RNF123: variants seen among roughly 807,000 people sequenced by gnomAD.
The protein encoded by RNF123 is ring finger protein 123, also known as E3 ubiquitin-protein ligase RNF123.
RNF123 carries 86 observed loss-of-function variants against 168.5 expected under a neutral mutation model. That is an observed-to-expected ratio of 0.51 (90% CI 0.43 to 0.61). The LOEUF (loss-of-function observed/expected upper bound fraction) is 0.61. Among genes scored for constraint, RNF123 ranks in the 20% least tolerant of loss-of-function variants. The pLI, the probability that RNF123 is intolerant of heterozygous loss-of-function variation, is 0.00. For missense variants in RNF123, 1,419 were observed against 1,729.7 expected, an observed-to-expected ratio of 0.82 and a Z score of 3.19; for synonymous variants, 666 against 689.1, an observed-to-expected ratio of 0.97 and a Z score of 0.52.
At chr3:49,694,852 A>ACTG (rs546752469) in intron 3 of RNF123, among the ~76,000 whole-genome samples, 1 of 150,460 alleles carries the variant, frequency 6.6e-6, no homozygotes, top group African/African-American at 2.5e-5. Flanking sequence ...AGATGGTCCT[A>ACTG]CTGCTGCTGC....
chr3:49,718,766 A>C (rs376946347), intron 35 of RNF123: 1 of 1,613,282 alleles, frequency 6.2e-7, no homozygotes, highest in Non-Finnish European at 8.5e-7. Flanking sequence ...CGCTGGTGCC[A>C]GCGCTGTAGC....
intron 3 of RNF123, among the ~76,000 whole-genome samples, chr3:49,692,783 T>C (rs553203607): frequency 7.9e-5 from 12 of 152,254 alleles, no homozygotes; most frequent in South Asian, 2.1e-4. Context: ...GTTCCATCCA[T>C]GTTGTTGCAT....
chr3:49,718,810 T>C (rs1311980357), intron 35 of RNF123: 2 of 1,612,840 alleles, frequency 1.2e-6, no homozygotes, highest in Non-Finnish European at 1.7e-6. Flanking sequence ...AGGCAAAGGG[T>C]TGTTGTGCAA....
Position 49,715,982 on chromosome 3 carries a change from C to G in RNF123, c.3311C>G (p.Ser1104Cys), listed in dbSNP as rs1417643987. 6.2e-7 allele frequency: 1 copy of G among 1,614,044 alleles called. No homozygotes were observed. Among genetic ancestry groups the G allele is most frequent in the Admixed American group, 1.7e-5 (1 of 60,030 alleles). The stretch of plus-strand genomic sequence containing the variant: ...TTCCTTGACTGGACCCGGCCTACCT[C>G]TGAGATGCTGCTGCGGCGTCTTGCA... ...EIFLDWTRPT[S>C]EMLLRRLAQL... Residue 1104 changes from serine (S) to cysteine (C), a missense_variant, in exon 33 of 39, where the codon TCT (serine) becomes TGT (cysteine). By Grantham distance (112) the Ser-to-Cys change is moderately radical. Around this residue, in one of 5 missense-constraint regions of RNF123, gnomAD observed 538 missense variants for 708.8 expected, o/e 0.76. Transcript: ENST00000327697.
intron 35 of RNF123, 146 bp from the exon 36 acceptor site, chr3:49,720,365 A>G (rs554112002): frequency 6.4e-5 from 46 of 716,368 alleles, no homozygotes; most frequent in Admixed American, 1.7e-4. Context: ...AGAATACAGG[A>G]CTTGGGGTTT....
At position 49,700,728 on chromosome 3, in the gene RNF123, C is replaced by T. The variant is rs1052110368; in HGVS notation, c.1277+19C>T. On this transcript the variant is annotated intron_variant, in intron 15 of 38. Coordinates refer to ENST00000327697, the MANE Select transcript of RNF123 (RefSeq NM_022064.5). ...ATGTCCTGTATCCTTTCCTTGCTGC[C>T]TGGCAGGCCAGACATGGGGTGCCCT... The T allele has an allele frequency of 6.2e-7, 1 of 1,613,762 alleles. No homozygotes were observed. The highest frequency in any genetic ancestry group is 1.1e-5 in the South Asian group (1 of 91,086).
At chr3:49,691,616 C>T (rs1269307198) in intron 3 of RNF123, 107 bp downstream of exon 3, 16 of 892,126 alleles carry the variant, frequency 1.8e-5, no homozygotes, top group Non-Finnish European at 2.5e-5. Flanking sequence ...TAGGCTTAGG[C>T]TCTGTTCTCA....
At chr3:49,718,935 C>A (rs764481919) in intron 35 of RNF123, 1 of 1,613,606 alleles carries the variant, frequency 6.2e-7, no homozygotes, top group Non-Finnish European at 8.5e-7. Flanking sequence ...TCAGACCGTG[C>A]AGGTGGTCGA....
chr3:49,721,280 C>G lies in RNF123; in HGVS notation c.3920C>G (p.Thr1307Arg), dbSNP rs769831352. The G allele has an allele frequency of 3.8e-5, 61 of 1,614,106 alleles. No homozygotes were observed. The highest frequency in any genetic ancestry group is 4.9e-5 in the Non-Finnish European group (58 of 1,180,046). Residue 1307 changes from threonine to arginine, a missense_variant, in exon 39 of 39, where the codon ACG becomes AGG. By Grantham distance (71) the Thr-to-Arg change is moderately conservative. Coordinates refer to ENST00000327697, the MANE Select transcript of RNF123 (RefSeq NM_022064.5). Reference sequence around the variant, plus strand: ...GAGGACTGGGAGAAGGGAGCCAATACGAGTACTACCTCCTCAGCTGCCTAG... The same window carrying G: ...GAGGACTGGGAGAAGGGAGCCAATAGGAGTACTACCTCCTCAGCTGCCTAG... ...SVEDWEKGAN[T>R]STTSSAA
rs138522949 is a variant in RNF123, at chr3:49,703,491, G to C, written c.1815G>C (p.Leu605=). ...GKVDYFDLQR[L]GGLLSHLRKT... is the part of the protein sequence containing the mutation. Reference sequence around the variant, plus strand: ...TGGACTACTTTGACCTGCAGCGCCTGGGGGGCCTCCTCTCGCACCTGCGGA... The same window carrying C: ...TGGACTACTTTGACCTGCAGCGCCTCGGGGGCCTCCTCTCGCACCTGCGGA... Residue 605 remains leucine, a synonymous_variant, in exon 21 of 39, where the codon CTG becomes CTC. Transcript: ENST00000327697. The C allele has an allele frequency of 6.8e-6, 11 of 1,613,992 alleles. No individual in the cohort carries two copies. Among genetic ancestry groups the C allele is most frequent in the Non-Finnish European group, 9.3e-6 (11 of 1,179,868 alleles).
At chr3:49,703,056 G>A (rs1304353484) in intron 20 of RNF123, among the ~76,000 whole-genome samples, 1 of 152,162 alleles carries the variant, frequency 6.6e-6, no homozygotes, top group African/African-American at 2.4e-5. Flanking sequence ...GGGCTGCCTT[G>A]GGTGGGTGCT....
At chr3:49,716,615 G>C in intron 35 of RNF123, 138 bp downstream of exon 35, 1 of 769,806 alleles carries the variant, frequency 1.3e-6, no homozygotes, top group Non-Finnish European at 2.2e-6. Context: ...GAGGGAAGGT[G>C]GTGAGGTGTG....
chr3:49,716,063 C>T lies in RNF123; in HGVS notation c.3340-39C>T, dbSNP rs368742946. The stretch of plus-strand genomic sequence containing the variant: ...GACCCTGGGGATGCCCCATTGATGA[C>T]GCTCCCCATCCACCAATGGACTCCT... On this transcript the variant is annotated intron_variant, in intron 33 of 38. Transcript: ENST00000327697. The T allele has an allele frequency of 2.4e-4, 390 of 1,613,210 alleles. 1 individual carries two copies. Among genetic ancestry groups the T allele is most frequent in the Middle Eastern group, 3.3e-4 (2 of 6,082 alleles).
intron 27 of RNF123, 30 bp from the exon 28 acceptor site, chr3:49,713,483 G>T (rs757327694): frequency 1.3e-6 from 2 of 1,579,300 alleles, no homozygotes; most frequent in Non-Finnish European, 1.7e-6. Context: ...CCCACTCCCA[G>T]CCGACACGTC....
intron 19 of RNF123, 40 bp downstream of exon 19, chr3:49,702,445 T>C (rs368358056): frequency 3.9e-4 from 622 of 1,608,314 alleles, no homozygotes; most frequent in Non-Finnish European, 5.2e-4. Context: ...GATCCCCGGC[T>C]GCACTACACA....
At chr3:49,694,829 C>T (rs1449950810) in intron 3 of RNF123, among the ~76,000 whole-genome samples, 1 of 152,092 alleles carries the variant, frequency 6.6e-6, no homozygotes, top group Non-Finnish European at 1.5e-5. Flanking sequence ...ATCCCTACCT[C>T]ATGTGATACC....
At chr3:49,698,849 C>T in intron 9 of RNF123, 27 bp downstream of exon 9, 2 of 1,611,804 alleles carry the variant, frequency 1.2e-6, no homozygotes, top group Non-Finnish European at 1.7e-6. Context: ...TATGCACAGG[C>T]CTGGCCCCTG....
Position 49,705,532 on chromosome 3 carries a change from A to C in RNF123, c.2159-2A>C. ...TTGACCCTTCCCTCCCCAACTCCCC[A>C]GTTGAAGGCAGCCACTGGAATGAGG... On this transcript the variant is annotated splice_acceptor_variant, in intron 23 of 38. Coordinates refer to ENST00000327697, the MANE Select transcript of RNF123 (RefSeq NM_022064.5). LOFTEE classifies it high-confidence loss of function. 6.3e-7 allele frequency: 1 copy of C among 1,586,212 alleles called. No homozygotes were observed. The highest frequency in any genetic ancestry group is 1.1e-5 in the South Asian group (1 of 87,084).
At chr3:49,698,379 G>A (rs560840815) in intron 7 of RNF123, 61 bp from the exon 8 acceptor site, 1 of 1,396,614 alleles carries the variant, frequency 7.2e-7, no homozygotes, top group South Asian at 1.2e-5. Flanking sequence ...CTGGTGATTG[G>A]TGGGCTCTGG....
Sources: gnomAD v4.1 joint callset for allele counts (sites outside exome capture counted in the v4.1 genomes callset) on GRCh38, gnomAD v4.1.1 for gene constraint, gnomAD v4.1.1 regional missense constraint, MANE v1.5 for transcripts, NCBI Gene and HGNC (gene_info 2026-07-23, HGNC 2026-07-21) for gene names.